ZNF519: variants seen among roughly 807,000 people sequenced by gnomAD.
The protein encoded by ZNF519 is similar to Zinc finger protein 85 (Zinc finger protein HPF4) (HTF1).
ZNF519 carries 7 observed loss-of-function variants against 7.4 expected under a neutral mutation model. That is an observed-to-expected ratio of 0.94 (90% CI 0.54 to 1.77). The LOEUF (loss-of-function observed/expected upper bound fraction) is 1.77, where lower values mean the gene tolerates loss of function less well. ZNF519 is among the 40% of genes most tolerant of loss of function. The pLI is 0.00. For missense variants in ZNF519, 586 were observed against 623.1 expected, an observed-to-expected ratio of 0.94 and a Z score of 0.63; for synonymous variants, 179 against 203.3, an observed-to-expected ratio of 0.88 and a Z score of 1.02.
In ZNF519 at chr18:14,106,225, C is replaced by T; in HGVS notation, c.315G>A (p.Leu105=). The change falls in exon 3 of 3, where the codon TTG becomes TTA. Residue 105 remains leucine, a synonymous_variant. Transcript: ENST00000590202. ...KECYNLCSQY[L]TTSHNKHLTV... is the part of the protein sequence containing the mutation. Reference sequence around the variant, plus strand: ...TTAAATGTTTGTTATGACTAGTTGTCAAATATTGGCTACATAGATTATAAC... The same window carrying T: ...TTAAATGTTTGTTATGACTAGTTGTTAAATATTGGCTACATAGATTATAAC... 6.2e-7 allele frequency: 1 copy of T among 1,613,384 alleles called. No individual in the cohort carries two copies. The highest frequency in any genetic ancestry group is 8.5e-7 in the Non-Finnish European group (1 of 1,179,852).
intron 2 of ZNF519, among the ~76,000 whole-genome samples, chr18:14,111,196 C>T (rs2046218964): frequency 7.0e-6 from 1 of 142,796 alleles, no homozygotes; most frequent in African/African-American, 2.5e-5. Context: ...AAACCTTTAG[C>T]CAGACTAAGA....
intron 1 of ZNF519, among the ~76,000 whole-genome samples, chr18:14,127,647 C>T (rs1480840939): frequency 6.6e-6 from 1 of 152,108 alleles, no homozygotes; most frequent in Non-Finnish European, 1.5e-5. Flanking sequence ...AATTAATGCA[C>T]ATGTGTGATC....
Position 14,104,873 on chromosome 18 carries a change from C to G in ZNF519, c.*44G>C. The G allele has an allele frequency of 1.4e-6, 2 of 1,479,120 alleles. No individual in the cohort carries two copies. The highest frequency in any genetic ancestry group is 1.8e-6 in the Non-Finnish European group (2 of 1,113,208). 91.6% of individuals were successfully genotyped at this position (1,479,120 alleles called of 1,614,324 possible). ...TTTCTAATGTTGAGTAAGGTGTGAG[C>G]ACCAGTTTAGGGTTTTAGCACATTC... On this transcript the variant is annotated 3_prime_UTR_variant, in exon 3 of 3. Coordinates refer to ENST00000590202, the MANE Select transcript of ZNF519 (RefSeq NM_145287.4).
At chr18:14,127,060 G>C (rs943404983) in intron 1 of ZNF519, among the ~76,000 whole-genome samples, 3 of 152,162 alleles carry the variant, frequency 2.0e-5, no homozygotes, top group African/African-American at 7.2e-5. Context: ...CTAAGTCTGA[G>C]GTAAGGGGAA....
At chr18:14,123,385 G>A (rs553601067) in intron 2 of ZNF519, among the ~76,000 whole-genome samples, 3 of 152,166 alleles carry the variant, frequency 2.0e-5, no homozygotes, top group South Asian at 2.1e-4. Context: ...TTAAATCTGC[G>A]GGTTCTAAGT....
chr18:14,117,730 G>A (rs578054482), intron 2 of ZNF519, among the ~76,000 whole-genome samples: 5 of 152,132 alleles, frequency 3.3e-5, no homozygotes, highest in Non-Finnish European at 7.3e-5. Context: ...AGCAAAGAGG[G>A]AGTGAGTCAT....
chr18:14,080,357 C>T (rs898754806), intron 3 of ZNF519: 3 of 140,922 alleles, frequency 2.1e-5, no homozygotes, highest in Non-Finnish European at 4.5e-5. Context: ...GAGTCTCGCT[C>T]CGTCACCAGG....
chr18:14,093,896 T>C lies in ZNF519; in HGVS notation c.131-8820A>G, dbSNP rs1487344444. Among the ~76,000 whole-genome samples, 3 of 152,374 alleles carry C rather than the reference T, an allele frequency of 2.0e-5. No individual in the cohort carries two copies. The East Asian group carries it at 5.8e-4, about 29-fold the overall frequency. On this transcript the variant is annotated intron_variant and NMD_transcript_variant, in intron 2 of 4. Transcript: ENST00000587419. ...CATCCAATTAGGTTATGATTCACTA[T>C]GTATGAAAAAACCATCAGTCTGAAC... is the stretch of plus-strand genomic sequence containing the variant.
intron 2 of ZNF519, among the ~76,000 whole-genome samples, chr18:14,093,213 G>A (rs2046121426): frequency 6.6e-6 from 1 of 152,176 alleles, no homozygotes; most frequent in Non-Finnish European, 1.5e-5. Flanking sequence ...AGACACCGCT[G>A]CTTAATCTCA....
intron 2 of ZNF519, among the ~76,000 whole-genome samples, chr18:14,089,331 T>C (rs1002029284): frequency 1.3e-5 from 2 of 152,210 alleles, no homozygotes; most frequent in Non-Finnish European, 2.9e-5. Flanking sequence ...AAATTCTTTA[T>C]TGCATTATAA....
intron 1 of ZNF519, among the ~76,000 whole-genome samples, chr18:14,130,932 AT>A (rs1164712393): frequency 1.3e-5 from 2 of 151,928 alleles, no homozygotes; most frequent in Non-Finnish European, 2.9e-5. Context: ...CCCCCAGGGC[AT>A]TCAGCTGCTC....
At chr18:14,081,310 G>A (rs1302155901) in intron 3 of ZNF519, among the ~76,000 whole-genome samples, 1 of 151,932 alleles carries the variant, frequency 6.6e-6, no homozygotes, top group East Asian at 1.9e-4. Flanking sequence ...TAAAAAAAAT[G>A]GGGAAATAAA....
At chr18:14,080,057 A>G (rs1288877176) in intron 3 of ZNF519, 1 of 152,102 alleles carries the variant, frequency 6.6e-6, no homozygotes, top group Non-Finnish European at 1.5e-5. Flanking sequence ...AAAATAATAA[A>G]TGAGCCAAAG....
downstream of ZNF519, among the ~76,000 whole-genome samples, chr18:14,098,950 TTA>T (rs1417931193): frequency 1.3e-5 from 2 of 152,112 alleles, no homozygotes; most frequent in East Asian, 3.9e-4. Flanking sequence ...AGCATGAAAT[TTA>T]TAGTCTCCAC....
intron 2 of ZNF519, among the ~76,000 whole-genome samples, chr18:14,113,691 A>ATTTT (rs56144421): frequency 7.1e-6 from 1 of 140,644 alleles, no homozygotes. Context: ...TAGTAGCTCT[A>ATTTT]TTTTTTTTTT....
intron 1 of ZNF519, among the ~76,000 whole-genome samples, chr18:14,128,476 G>C (rs917678860): frequency 6.6e-6 from 1 of 152,072 alleles, no homozygotes; most frequent in African/African-American, 2.4e-5. Flanking sequence ...TATAATTTGG[G>C]CTGTCATCTG....
intron 2 of ZNF519, among the ~76,000 whole-genome samples, chr18:14,088,635 AATGAATAATAT>A (rs546025716): frequency 4.9e-4 from 74 of 152,220 alleles, no homozygotes; most frequent in Admixed American, 1.1e-3. Context: ...AGTTGTCTTA[AATGAATAATAT>A]ATGGAGTAAA....
downstream of ZNF519, chr18:14,073,718 A>G (rs977062791): frequency 3.3e-5 from 5 of 152,242 alleles, no homozygotes; most frequent in African/African-American, 4.8e-5. Flanking sequence ...TGTATAATAT[A>G]CTTAAATATC....
chr18:14,123,868 T>C (rs1328730355), intron 2 of ZNF519, among the ~76,000 whole-genome samples: 1 of 151,330 alleles, frequency 6.6e-6, no homozygotes, highest in Non-Finnish European at 1.5e-5. Flanking sequence ...TAAAGATGAA[T>C]CATCATAAAG....
Sources: allele counts gnomAD v4.1 joint callset (sites outside exome capture counted in the v4.1 genomes callset), GRCh38; gene constraint gnomAD v4.1.1; transcripts MANE v1.5; gene names NCBI Gene and HGNC (gene_info 2026-07-23, HGNC 2026-07-21).